TENM2: variants seen among roughly 807,000 people sequenced by gnomAD.
The protein encoded by TENM2 is teneurin transmembrane protein 2.
TENM2 carries 52 observed loss-of-function variants against 245.2 expected under a neutral mutation model. That is an observed-to-expected ratio of 0.21 (90% CI 0.17 to 0.27). The LOEUF (loss-of-function observed/expected upper bound fraction) is 0.27. Among genes scored for constraint, TENM2 ranks in the 10% least tolerant of loss-of-function variants. TENM2 has a pLI of 1.00. For missense variants in TENM2, 3,046 were observed against 3,666.8 expected, an observed-to-expected ratio of 0.83 and a Z score of 4.37; for synonymous variants, 1,363 against 1,438.9, an observed-to-expected ratio of 0.95 and a Z score of 1.19.
At chr5:167,494,373 A>G (rs894347911) in intron 2 of TENM2, among the ~76,000 whole-genome samples, 7 of 152,184 alleles carry the variant, frequency 4.6e-5, no homozygotes, top group Non-Finnish European at 7.3e-5. Flanking sequence ...GAACTTTGTC[A>G]GTAGACAATA....
chr5:167,581,300 G>C (rs928510128), intron 2 of TENM2, among the ~76,000 whole-genome samples: 1 of 152,160 alleles, frequency 6.6e-6, no homozygotes, highest in African/African-American at 2.4e-5. Context: ...GGCAAAAAGT[G>C]GTGTTGCCTC....
At chr5:167,710,298 C>T (rs1428355323) in intron 2 of TENM2, among the ~76,000 whole-genome samples, 1 of 152,026 alleles carries the variant, frequency 6.6e-6, no homozygotes, top group Non-Finnish European at 1.5e-5. Flanking sequence ...ATGAATTACA[C>T]CAGGTACTAA....
At chr5:167,026,542 C>G in the TENM2 span, among the ~76,000 whole-genome samples, 54 of 152,260 alleles carry the variant, frequency 3.5e-4, no homozygotes, top group Admixed American at 7.9e-4. Context: ...CCAAAGTATG[C>G]CAATGAATCC....
intron 2 of TENM2, among the ~76,000 whole-genome samples, chr5:167,834,136 T>C (rs895293998): frequency 5.9e-5 from 9 of 152,156 alleles, no homozygotes; most frequent in Admixed American, 4.6e-4. Context: ...GAATGAGTAA[T>C]ATTTGAAAAA....
intron 27 of TENM2, among the ~76,000 whole-genome samples, chr5:168,259,792 C>T (rs191843319): frequency 1.2e-3 from 186 of 152,332 alleles, no homozygotes; most frequent in African/African-American, 3.4e-3. Context: ...AAACACACTG[C>T]GTGGCCTGTG....
chr5:167,036,864 C>A, the TENM2 span, among the ~76,000 whole-genome samples: 1 of 152,178 alleles, frequency 6.6e-6, no homozygotes, highest in African/African-American at 2.4e-5. Flanking sequence ...TTCTAACCTC[C>A]AAAGACTTCT....
chr5:168,036,266 T>G (rs1164717823), intron 5 of TENM2, among the ~76,000 whole-genome samples: 1 of 152,206 alleles, frequency 6.6e-6, no homozygotes, highest in Non-Finnish European at 1.5e-5. Flanking sequence ...TGCAGTGCTG[T>G]TGCCGGTTGA....
chr5:167,674,342 C>T (rs1183127039), intron 2 of TENM2, among the ~76,000 whole-genome samples: 1 of 152,022 alleles, frequency 6.6e-6, no homozygotes, highest in Non-Finnish European at 1.5e-5. Context: ...TATCTTTGAA[C>T]GTTTATTCTT....
intron 25 of TENM2, among the ~76,000 whole-genome samples, chr5:168,238,232 A>G (rs1765731366): frequency 3.1e-5 from 3 of 96,208 alleles, no homozygotes; most frequent in African/African-American, 1.2e-4. Context: ...AAGAAAAGAA[A>G]AGAAAAGAAA....
chr5:167,134,506 T>C, the TENM2 span, among the ~76,000 whole-genome samples: 2 of 152,206 alleles, frequency 1.3e-5, no homozygotes, highest in African/African-American at 4.8e-5. Context: ...TACATTCTAG[T>C]TCTTGTTTAT....
At chr5:167,429,324 T>A (rs941269949) in intron 2 of TENM2, among the ~76,000 whole-genome samples, 2 of 152,194 alleles carry the variant, frequency 1.3e-5, no homozygotes, top group African/African-American at 2.4e-5. Flanking sequence ...GCTTGCCTCC[T>A]ATGTTTCTCA....
intron 2 of TENM2, among the ~76,000 whole-genome samples, chr5:167,514,768 T>C (rs1442049927): frequency 3.3e-5 from 5 of 152,080 alleles, no homozygotes; most frequent in African/African-American, 7.2e-5. Context: ...CCTAGCACTT[T>C]GGGAGGCTGA....
At chr5:167,657,317 C>CT (rs1263625396) in intron 2 of TENM2, among the ~76,000 whole-genome samples, 2 of 152,160 alleles carry the variant, frequency 1.3e-5, no homozygotes. Context: ...GGATTTCATT[C>CT]TTTTTTTGAG....
intron 3 of TENM2, among the ~76,000 whole-genome samples, chr5:167,897,043 G>A (rs914931020): frequency 6.6e-6 from 1 of 152,228 alleles, no homozygotes; most frequent in Non-Finnish European, 1.5e-5. Flanking sequence ...ATGGCAGAAA[G>A]GCTTATAATG....
the TENM2 span, among the ~76,000 whole-genome samples, chr5:167,272,340 C>T: frequency 2.0e-5 from 3 of 152,252 alleles, no homozygotes; most frequent in African/African-American, 7.2e-5. Context: ...AGGATAAAGG[C>T]ACCGTGCATT....
chr5:167,176,619 ATC>A, the TENM2 span, among the ~76,000 whole-genome samples: 1 of 152,306 alleles, frequency 6.6e-6, no homozygotes, highest in Non-Finnish European at 1.5e-5. Flanking sequence ...TGACTTTCAT[ATC>A]TCTGTGCTTT....
intron 25 of TENM2, among the ~76,000 whole-genome samples, chr5:168,233,972 A>T (rs1200159408): frequency 1.3e-5 from 2 of 152,198 alleles, no homozygotes; most frequent in South Asian, 2.1e-4. Context: ...CTCCCAACAC[A>T]TGGGAATTCT....
At chr5:167,632,672 G>A (rs279393) in intron 2 of TENM2, among the ~76,000 whole-genome samples, 116,573 of 151,970 alleles carry the variant, frequency 0.77, 45,314 homozygotes, top group Middle Eastern at 0.84. Flanking sequence ...GAAAATTCAC[G>A]CACACACACC....
At chr5:167,531,597 C>T (rs938982513) in intron 2 of TENM2, among the ~76,000 whole-genome samples, 1 of 152,020 alleles carries the variant, frequency 6.6e-6, no homozygotes, top group South Asian at 2.1e-4. Context: ...TATTCATCCT[C>T]TCTAACTGAA....
Sources: gnomAD v4.1 joint callset for allele counts (sites outside exome capture counted in the v4.1 genomes callset) on GRCh38, gnomAD v4.1.1 for gene constraint, MANE v1.5 for transcripts, NCBI Gene and HGNC (gene_info 2026-07-23, HGNC 2026-07-21) for gene names.